The following ST3GAL1 variants were observed in gnomAD, a reference collection of about 807,000 sequenced individuals.
The protein encoded by ST3GAL1 is CMP-N-acetylneuraminate-beta-galactosamide-alpha-2,3-sialyltransferase 1.
In ST3GAL1, 16 loss-of-function variants were observed where a neutral mutation model predicts 34.1. The ratio of observed to expected loss-of-function variants is 0.47; its 90% confidence interval spans 0.32 to 0.71. The LOEUF is 0.71. Ranked by LOEUF, ST3GAL1 falls within the 30% of genes least tolerant of loss-of-function variation. The pLI is 0.04. For synonymous variants in ST3GAL1, 191 were observed against 184.7 expected, an observed-to-expected ratio of 1.03 and a Z score of -0.28; for missense variants, 353 against 447.4, an observed-to-expected ratio of 0.79 and a Z score of 1.90.
intron 1 of ST3GAL1, among the ~76,000 whole-genome samples, chr8:133,555,605 A>G (rs1818990860): frequency 6.6e-6 from 1 of 152,170 alleles, no homozygotes; most frequent in African/African-American, 2.4e-5. Flanking sequence ...TGCAGGAAGG[A>G]AAAGAAACCT....
chr8:133,540,784 T>TATATATAGAGAC (rs1385008667), intron 2 of ST3GAL1, among the ~76,000 whole-genome samples: 18 of 138,860 alleles, frequency 1.3e-4, no homozygotes, highest in Middle Eastern at 4.0e-3. Flanking sequence ...TAGAGACATA[T>TATATATAGAGAC]ATATATATAG....
rs893918764 is a variant in ST3GAL1 at position 133,466,000 on chromosome 8, C to T, written c.397G>A (p.Glu133Lys). 1 of 1,614,254 alleles carries T rather than the reference C, an allele frequency of 6.2e-7. No individual in the cohort carries two copies. The highest frequency in any genetic ancestry group is 1.3e-5 in the African/African-American group (1 of 75,072). Residue 133 changes from glutamate to lysine, a missense_variant, in exon 6 of 10, where the codon GAG becomes AAG. By Grantham distance (56) the Glu-to-Lys change is moderately conservative. Coordinates refer to ENST00000522652, the MANE Select transcript of ST3GAL1 (RefSeq NM_173344.3). ...VVPGNVDPML[E>K]KRSVGCRRCA... Reference sequence around the variant, plus strand: ...CGCCGGCAGCCCACCGACCTCTTCTCCAGCATAGGGTCCACATTCCCAGGC... The same window carrying T: ...CGCCGGCAGCCCACCGACCTCTTCTTCAGCATAGGGTCCACATTCCCAGGC...
At chr8:133,493,946 C>G (rs6471128) in intron 3 of ST3GAL1, among the ~76,000 whole-genome samples, 54,239 of 151,878 alleles carry the variant, frequency 0.36, 10,059 homozygotes, top group South Asian at 0.53. Flanking sequence ...TCCTTCTCCC[C>G]TAAATGACCA....
intron 7 of ST3GAL1, among the ~76,000 whole-genome samples, 194 bp from the exon 8 acceptor site, chr8:133,463,653 A>G (rs1421092093): frequency 6.6e-6 from 1 of 152,110 alleles, no homozygotes; most frequent in Non-Finnish European, 1.5e-5. Flanking sequence ...TAGACACCAG[A>G]GGACGGCCTT....
In ST3GAL1 at chr8:133,571,534, T is replaced by C. The variant is rs144694941; in HGVS notation, c.-582+159A>G. 3.9e-5 allele frequency among the ~76,000 whole-genome samples: 6 copies of C among 152,176 alleles called. No individual in the cohort carries two copies. The highest frequency in any genetic ancestry group is 2.0e-4 in the Admixed American group (3 of 15,294). On this transcript the variant is annotated intron_variant, in intron 1 of 9. Transcript: ENST00000522652. The surrounding 1 kb of genome is among the most constrained non-coding windows in gnomAD (Gnocchi z 6.7). ...CCGGGGTCTTCAGTCCCAGCTCCACTGTCACACCCTCCTAGTCCCCTCCCC... is the reference window on the plus strand; with the variant it reads ...CCGGGGTCTTCAGTCCCAGCTCCACCGTCACACCCTCCTAGTCCCCTCCCC...
chr8:133,465,847 GC>G, intron 6 of ST3GAL1, 46 bp downstream of exon 6: 2 of 1,574,990 alleles, frequency 1.3e-6, no homozygotes, highest in South Asian at 1.2e-5. Context: ...GCTCCAAGGG[GC>G]CCCTGGGTGC....
chr8:133,560,896 C>T (rs1195886226), intron 1 of ST3GAL1, among the ~76,000 whole-genome samples: 1 of 152,142 alleles, frequency 6.6e-6, no homozygotes, highest in East Asian at 1.9e-4. Flanking sequence ...TGGAAACATA[C>T]ACTTTACAGA....
At chr8:133,562,850 C>CTT (rs11374505) in intron 1 of ST3GAL1, among the ~76,000 whole-genome samples, 3 of 106,336 alleles carry the variant, frequency 2.8e-5, no homozygotes, top group African/African-American at 1.2e-4. Context: ...TCCTTTCTTT[C>CTT]TTTTTTTTTT....
intron 5 of ST3GAL1, among the ~76,000 whole-genome samples, chr8:133,475,045 C>G (rs4736677): frequency 0.17 from 25,483 of 152,174 alleles, 2,751 homozygotes; most frequent in East Asian, 0.57. Context: ...TTGGAAAAAG[C>G]GCCTCTGTGG....
At chr8:133,543,930 T>C (rs1256148119) in intron 2 of ST3GAL1, 4 of 152,252 alleles carry the variant, frequency 2.6e-5, no homozygotes, top group African/African-American at 9.6e-5. Flanking sequence ...GAAGGTTTGT[T>C]ATAGAAATGC....
chr8:133,485,143 T>C (rs2130963657), intron 3 of ST3GAL1, among the ~76,000 whole-genome samples: 1 of 152,280 alleles, frequency 6.6e-6, no homozygotes, highest in Non-Finnish European at 1.5e-5. Context: ...TGAGAGTTTG[T>C]TCCCACTCGC....
At chr8:133,525,418 T>G (rs1266355432) in intron 2 of ST3GAL1, among the ~76,000 whole-genome samples, 1 of 152,126 alleles carries the variant, frequency 6.6e-6, no homozygotes, top group Non-Finnish European at 1.5e-5. Context: ...TGGCCATGGA[T>G]GGGCTTGGAT....
intron 2 of ST3GAL1, among the ~76,000 whole-genome samples, chr8:133,509,597 G>C (rs1474965104): frequency 1.3e-5 from 2 of 152,262 alleles, no homozygotes; most frequent in African/African-American, 4.8e-5. Context: ...AGCTCAGGCG[G>C]AGGGACATGC....
At chr8:133,530,317 T>C (rs1319684500) in intron 2 of ST3GAL1, among the ~76,000 whole-genome samples, 1 of 152,050 alleles carries the variant, frequency 6.6e-6, no homozygotes, top group Non-Finnish European at 1.5e-5. Flanking sequence ...GTTTTGCTCT[T>C]GTGGCCCAGG....
intron 2 of ST3GAL1, among the ~76,000 whole-genome samples, chr8:133,502,292 A>G (rs756975468): frequency 6.6e-6 from 1 of 151,932 alleles, no homozygotes; most frequent in Non-Finnish European, 1.5e-5. Flanking sequence ...CGTCCCCCAC[A>G]CCCCCACCAA....
intron 3 of ST3GAL1, among the ~76,000 whole-genome samples, chr8:133,489,224 C>A (rs1229323459): frequency 6.6e-6 from 1 of 152,218 alleles, no homozygotes; most frequent in Non-Finnish European, 1.5e-5. Flanking sequence ...CTCCCCTCCA[C>A]TGCCCACTTT....
chr8:133,498,747 G>A (rs929224589), intron 3 of ST3GAL1, among the ~76,000 whole-genome samples: 1 of 152,220 alleles, frequency 6.6e-6, no homozygotes, highest in Non-Finnish European at 1.5e-5. Flanking sequence ...CACAGCACAC[G>A]ACGAGGCACC....
chr8:133,525,622 C>T (rs569956191), intron 2 of ST3GAL1, among the ~76,000 whole-genome samples: 79 of 152,230 alleles, frequency 5.2e-4, no homozygotes, highest in African/African-American at 1.6e-3. Flanking sequence ...TGCTGAGGGA[C>T]GCCTGCAGGC....
Position 133,508,466 on chromosome 8 carries a change from AC to A in ST3GAL1, c.-428-9278del, listed in dbSNP as rs1453115713. 1.3e-5 allele frequency among the ~76,000 whole-genome samples: 2 copies of A among 152,012 alleles called. No homozygotes were observed. Among genetic ancestry groups the A allele is most frequent in the Non-Finnish European group, 2.9e-5 (2 of 68,002 alleles). On this transcript the variant is annotated intron_variant, in intron 2 of 9. Coordinates refer to ENST00000522652, the MANE Select transcript of ST3GAL1 (RefSeq NM_173344.3). The surrounding 1 kb of genome is among the most constrained non-coding windows in gnomAD (Gnocchi z 4.1). ...TCCCCTGCGTAGCCCTGTGTCCCCC[AC>A]CCTTTCCCTGGAACACTTCCTCTGC...
Sources: gnomAD v4.1 joint callset for allele counts (sites outside exome capture counted in the v4.1 genomes callset) on GRCh38, gnomAD v4.1.1 for gene constraint, Gnocchi (gnomAD v3.1) non-coding constraint, MANE v1.5 for transcripts, NCBI Gene and HGNC (gene_info 2026-07-23, HGNC 2026-07-21) for gene names.